Variants in AP4E1 observed in about 807,000 individuals in gnomAD.
The protein encoded by AP4E1 is adaptor related protein complex 4 subunit epsilon 1.
In AP4E1, 56 loss-of-function variants were observed where a neutral mutation model predicts 128.2. The ratio of observed to expected loss-of-function variants is 0.44; its 90% CI spans 0.35 to 0.55. The LOEUF (loss-of-function observed/expected upper bound fraction) is 0.55, where lower values mean the gene tolerates loss of function less well. AP4E1 is among the 20% of genes least tolerant of loss of function. AP4E1 has a pLI of 0.00. For synonymous variants in AP4E1, 484 were observed against 473.1 expected (o/e 1.02, Z -0.30); for missense variants, 1,324 against 1,307.7 (o/e 1.01, Z -0.19).
At chr15:50,917,337 G>T (rs958639317) in intron 3 of AP4E1, among the ~76,000 whole-genome samples, 5 of 152,144 alleles carry the variant, frequency 3.3e-5, no homozygotes, top group Non-Finnish European at 7.4e-5. Context: ...CAAAAGTCTG[G>T]TATTTCTTTG....
At position 50,950,140 on chromosome 15, in the gene AP4E1, C is replaced by T. The variant is rs778817461; in HGVS notation, c.1519C>T (p.Pro507Ser). 6.2e-7 allele frequency: 1 copy of T among 1,612,394 alleles called. No individual in the cohort carries two copies. The highest frequency in any genetic ancestry group is 1.1e-5 in the South Asian group (1 of 91,008). The change falls in exon 13 of 21, where the codon CCA (proline) becomes TCA (serine). Residue 507 changes from proline (P) to serine (S), a missense_variant. By Grantham distance (74) the Pro-to-Ser change is moderately conservative. Coordinates refer to ENST00000261842, the MANE Select transcript of AP4E1 (RefSeq NM_007347.5). ...ACTGGATATGGAAAATGTGTTCTAT[C>T]CACAGAGATTTCTTCAAGTTATGAG... is the stretch of plus-strand genomic sequence containing the variant. ...TLLDMENVFY[P>S]QRFLQVMSWV... is the part of the protein sequence containing the mutation.
chr15:50,927,671 C>CTT (rs879350677), intron 5 of AP4E1, among the ~76,000 whole-genome samples: 1 of 145,206 alleles, frequency 6.9e-6, no homozygotes. Flanking sequence ...CTTTTCTTTT[C>CTT]TTTTTTTTTT....
chr15:50,973,010 T>C (rs1241770575), intron 15 of AP4E1, among the ~76,000 whole-genome samples: 1 of 152,200 alleles, frequency 6.6e-6, no homozygotes, highest in Non-Finnish European at 1.5e-5. Context: ...AGTAACTTTG[T>C]ACTTAAGAAA....
At chr15:50,975,186 A>G (rs1486441296) in intron 15 of AP4E1, among the ~76,000 whole-genome samples, 1 of 152,190 alleles carries the variant, frequency 6.6e-6, no homozygotes, top group Non-Finnish European at 1.5e-5. Context: ...TGGGTGGACC[A>G]CCTGAGGTCG....
At chr15:50,960,319 C>T (rs1168851731) in intron 14 of AP4E1, among the ~76,000 whole-genome samples, 5 of 152,064 alleles carry the variant, frequency 3.3e-5, no homozygotes, top group African/African-American at 9.7e-5. Flanking sequence ...CTGCAGAATA[C>T]ACATTCTTCT....
chr15:50,951,098 A>T (rs943220472), intron 13 of AP4E1, among the ~76,000 whole-genome samples: 10 of 152,212 alleles, frequency 6.6e-5, no homozygotes, highest in African/African-American at 2.4e-4. Flanking sequence ...TTAAGACAAT[A>T]CAAATTCATT....
intron 15 of AP4E1, among the ~76,000 whole-genome samples, chr15:50,969,848 AC>A (rs750768339): frequency 9.9e-5 from 15 of 151,830 alleles, no homozygotes; most frequent in Non-Finnish European, 1.6e-4. Context: ...TTTAGTAGAG[AC>A]AGGGTTTCAC....
chr15:50,929,941 T>G (rs975188506), intron 6 of AP4E1, among the ~76,000 whole-genome samples: 1 of 151,798 alleles, frequency 6.6e-6, no homozygotes, highest in Non-Finnish European at 1.5e-5. Context: ...TTTTAAGGAG[T>G]GTGGATATAA....
At chr15:50,922,778 G>A (rs79372761) in intron 3 of AP4E1, among the ~76,000 whole-genome samples, 1 of 147,148 alleles carries the variant, frequency 6.8e-6, no homozygotes, top group Non-Finnish European at 1.5e-5. Flanking sequence ...CTTTTTTTGG[G>A]TCTCTTTTTT....
At chr15:50,922,369 C>G (rs540350985) in intron 3 of AP4E1, among the ~76,000 whole-genome samples, 1 of 152,038 alleles carries the variant, frequency 6.6e-6, no homozygotes, top group Admixed American at 6.6e-5. Context: ...TGGGATTTTC[C>G]TCATCTCTTT....
chr15:50,989,984 T>C (rs976405592), intron 16 of AP4E1, among the ~76,000 whole-genome samples: 2 of 152,154 alleles, frequency 1.3e-5, no homozygotes, highest in African/African-American at 4.8e-5. Flanking sequence ...TCTTTTACAG[T>C]CCCTGGCAAC....
At chr15:50,959,571 T>C (rs2064281294) in intron 14 of AP4E1, among the ~76,000 whole-genome samples, 1 of 152,166 alleles carries the variant, frequency 6.6e-6, no homozygotes. Context: ...TGAGGGAGTC[T>C]TACATCTGGG....
chr15:50,965,385 G>A (rs1003696144), intron 14 of AP4E1, among the ~76,000 whole-genome samples: 6 of 152,218 alleles, frequency 3.9e-5, no homozygotes, highest in Non-Finnish European at 5.9e-5. Flanking sequence ...GCAGGATTGG[G>A]TGTGCCAGTC....
At chr15:50,924,029 A>T in intron 4 of AP4E1, 25 bp downstream of exon 4, 1 of 1,560,150 alleles carries the variant, frequency 6.4e-7, no homozygotes, top group Non-Finnish European at 8.8e-7. Flanking sequence ...GTTGGTTAAT[A>T]TGAAGTCATA....
In AP4E1 at chr15:51,004,588, G is replaced by C. The variant is rs922918845; in HGVS notation, c.*1926G>C. ...TCTAATGGGTGGGAGACATGTAATG[G>C]TAGATTTAGGGCTGGGAGCATGATT... On this transcript the variant is annotated 3_prime_UTR_variant, in exon 21 of 21. Transcript: ENST00000261842. 2.6e-5 allele frequency: 4 copies of C among 152,606 alleles called. No individual in the cohort carries two copies. The highest frequency in any genetic ancestry group is 9.7e-5 in the African/African-American group (4 of 41,440). 9.5% of individuals were successfully genotyped at this position (152,606 alleles called of 1,614,324 possible). A position where few individuals can be genotyped will look rare whatever the true frequency, so the allele number is the denominator to read the frequency against.
At chr15:50,947,882 C>T (rs2064084376) in intron 10 of AP4E1, 138 bp from the exon 11 acceptor site, 4 of 685,088 alleles carry the variant, frequency 5.8e-6, no homozygotes, top group Middle Eastern at 4.1e-4. Context: ...ATTTGCATTT[C>T]TTACCTGTTA....
intron 3 of AP4E1, chr15:50,915,791 C>A (rs1043241949): frequency 1.8e-6 from 1 of 542,968 alleles, no homozygotes. Context: ...CTAAAGATTT[C>A]TTGCTCTTGT....
At chr15:50,929,523 G>A (rs1034421055) in intron 6 of AP4E1, among the ~76,000 whole-genome samples, 1 of 151,866 alleles carries the variant, frequency 6.6e-6, no homozygotes, top group Non-Finnish European at 1.5e-5. Flanking sequence ...GAAAACCAGC[G>A]GGGGTTGTGC....
chr15:50,948,222 TGG>T, intron 11 of AP4E1, 63 bp downstream of exon 11: 3 of 1,589,512 alleles, frequency 1.9e-6, no homozygotes, highest in Non-Finnish European at 1.7e-6. Flanking sequence ...TTAAGATGAT[TGG>T]TATAGATATG....
Sources: gnomAD v4.1 joint callset for allele counts (sites outside exome capture counted in the v4.1 genomes callset) on GRCh38, gnomAD v4.1.1 for gene constraint, MANE v1.5 for transcripts, NCBI Gene and HGNC (gene_info 2026-07-23, HGNC 2026-07-21) for gene names.